Variants in ACACA observed in about 807,000 individuals in gnomAD.
ACACA encodes acetyl-CoA carboxylase alpha.
ACACA carries 103 observed loss-of-function variants against 296.1 expected under a neutral mutation model. That is an observed-to-expected ratio of 0.35 (90% CI 0.30 to 0.41). The LOEUF is 0.41. Among genes scored for constraint, ACACA ranks in the 10% least tolerant of loss-of-function variants. The pLI, the probability that ACACA is intolerant of heterozygous loss-of-function variation, is 1.00. For missense variants in ACACA, 1,554 were observed against 2,989.7 expected (o/e 0.52, Z 11.20); for synonymous variants, 953 against 1,038.6 (o/e 0.92, Z 1.58).
At chr17:37,102,295 C>G (rs568669402) in intron 52 of ACACA, among the ~76,000 whole-genome samples, 3 of 151,654 alleles carry the variant, frequency 2.0e-5, no homozygotes, top group South Asian at 4.2e-4. Context: ...ACCTCTGCCC[C>G]CTGAGTTCAA....
chr17:37,391,922 A>G, intron 1 of ACACA: 1 of 589,870 alleles, frequency 1.7e-6, no homozygotes, highest in East Asian at 2.8e-5. Flanking sequence ...ACCTTCTGTA[A>G]TTCACTTCAT....
At chr17:37,254,758 C>T (rs924442012) in intron 14 of ACACA, among the ~76,000 whole-genome samples, 1 of 151,438 alleles carries the variant, frequency 6.6e-6, no homozygotes, top group Non-Finnish European at 1.5e-5. Flanking sequence ...CCGAGTTGGG[C>T]AGATCACTCG....
chr17:37,248,748 G>A (rs2080839080), intron 16 of ACACA, 74 bp from the exon 17 acceptor site: 2 of 1,097,946 alleles, frequency 1.8e-6, no homozygotes, highest in Non-Finnish European at 2.8e-6. Flanking sequence ...ATTATTGATT[G>A]TAGCATTTCC....
chr17:37,275,147 G>A (rs1252856547), intron 8 of ACACA, among the ~76,000 whole-genome samples: 1 of 152,186 alleles, frequency 6.6e-6, no homozygotes, highest in Non-Finnish European at 1.5e-5. Context: ...GGCAACTGAG[G>A]TTGAATGGTT....
chr17:37,274,174 C>T lies in ACACA; in HGVS notation c.1008+19G>A. ...ACTGGTCAGCTGAAAGGTATCACTC[C>T]CTGGAGTTAGTAACCTACCTGTAGC... On this transcript the variant is annotated intron_variant, in intron 9 of 55. Transcript: ENST00000616317. 1 of 1,596,184 alleles carries T rather than the reference C, an allele frequency of 6.3e-7. No homozygotes were observed. Among genetic ancestry groups the T allele is most frequent in the Non-Finnish European group, 8.6e-7 (1 of 1,163,710 alleles).
At chr17:37,296,373 T>G (rs899363499) in intron 3 of ACACA, among the ~76,000 whole-genome samples, 2 of 143,618 alleles carry the variant, frequency 1.4e-5, no homozygotes, top group Admixed American at 1.4e-4. Context: ...TGGTGAGATC[T>G]CGGCTCACTG....
At chr17:37,399,433 A>G (rs920456059) in intron 1 of ACACA, among the ~76,000 whole-genome samples, 1 of 152,220 alleles carries the variant, frequency 6.6e-6, no homozygotes, top group Non-Finnish European at 1.5e-5. Flanking sequence ...ACAAGAGTAT[A>G]GACTGCCTGT....
intron 25 of ACACA, among the ~76,000 whole-genome samples, chr17:37,227,082 C>CT (rs1660888705): frequency 6.6e-6 from 1 of 152,074 alleles, no homozygotes; most frequent in African/African-American, 2.4e-5. Flanking sequence ...GAATCCTTAG[C>CT]TGAATTAGAG....
At chr17:37,390,423 T>C (rs1454815487) in intron 1 of ACACA, among the ~76,000 whole-genome samples, 3 of 135,692 alleles carry the variant, frequency 2.2e-5, no homozygotes, top group South Asian at 2.3e-4. Context: ...GGTCAAGAGA[T>C]TGAGACCATC....
chr17:37,298,713 G>A (rs2083471954), intron 3 of ACACA, among the ~76,000 whole-genome samples: 1 of 152,162 alleles, frequency 6.6e-6, no homozygotes, highest in Non-Finnish European at 1.5e-5. Context: ...ACCTGCAAGA[G>A]GCCTGAAGAA....
At position 37,252,041 on chromosome 17, in the gene ACACA, C is replaced by T. The variant is rs1248719659; in HGVS notation, c.2045G>A (p.Arg682Gln). The T allele has an allele frequency of 1.9e-6, 3 of 1,614,166 alleles. No individual in the cohort carries two copies. Among genetic ancestry groups the T allele is most frequent in the Non-Finnish European group, 2.5e-6 (3 of 1,180,046 alleles). ...GALHVADVSLRNSVSNFLHSL... is the reference protein window; with the variant it reads ...GALHVADVSLQNSVSNFLHSL... ...GTGAAGGAAGTTAGAGACGCTATTC[C>T]GCAGGCTCACATCTGCCACGTGGAG... The change falls in exon 16 of 56, where the codon CGG becomes CAG. Residue 682 changes from arginine (R) to glutamine (Q), a missense_variant. Transcript: ENST00000616317.
intron 39 of ACACA, among the ~76,000 whole-genome samples, chr17:37,183,908 A>G (rs2077426216): frequency 1.4e-5 from 2 of 138,356 alleles, no homozygotes; most frequent in African/African-American, 5.6e-5. Flanking sequence ...GCTGGAGTGC[A>G]ATGGTGCGAT....
rs2050651866 is a variant in ACACA at position 37,388,561 on chromosome 17, C to T, written c.38+17701G>A. The stretch of plus-strand genomic sequence containing the variant: ...ATTCTGCCTCTGCCTCTGGGTTAGT[C>T]TGGGCCTCTAATAGTCTTGTGAGCC... On this transcript the variant is annotated intron_variant, in intron 1 of 55. Transcript: ENST00000616317. The T allele has an allele frequency of 1.7e-5, 22 of 1,319,594 alleles. No homozygotes were observed. In the South Asian group the frequency reaches 2.8e-4, roughly 17 times the overall value. The allele number at this position is 1,319,594 out of a possible 1,614,324, so 81.7% of individuals were successfully genotyped here.
rs577148216 is a variant in ACACA, at chr17:37,330,438, T to C, written c.86-13A>G. 1 of 1,614,056 alleles carries C rather than the reference T, an allele frequency of 6.2e-7. No individual in the cohort carries two copies. Among genetic ancestry groups the C allele is most frequent in the African/African-American group, 1.3e-5 (1 of 75,040 alleles). ...TGAGCTCTTACAGCTATGGAGAAAA[T>C]GAAAAGTGAGAAAGGCAGGTTATGA... On this transcript the variant is annotated splice_polypyrimidine_tract_variant and intron_variant, in intron 2 of 55. Transcript: ENST00000616317.
In ACACA at chr17:37,406,246, A is replaced by T. The variant is rs181281681; in HGVS notation, c.38+16T>A. 2,640 of 1,613,408 alleles carry T rather than the reference A, an allele frequency of 1.6e-3. 33 individuals are homozygous for T. Among genetic ancestry groups the T allele is most frequent in the South Asian group, 0.014 (1,273 of 91,070 alleles). ...AATCATCATTAACAGCAGTAATAAG[A>T]GATCTTGGGACATACCTAGCCCTCA... On this transcript the variant is annotated intron_variant, in intron 1 of 55. Coordinates refer to ENST00000616317, the MANE Select transcript of ACACA (RefSeq NM_198834.3).
At chr17:37,376,129 T>A in intron 1 of ACACA, 1 of 1,612,920 alleles carries the variant, frequency 6.2e-7, no homozygotes, top group Non-Finnish European at 8.5e-7. Context: ...AATCATTGCA[T>A]CCTATGATGC....
At chr17:37,298,825 G>A (rs901862602) in intron 3 of ACACA, among the ~76,000 whole-genome samples, 2 of 152,190 alleles carry the variant, frequency 1.3e-5, no homozygotes, top group Non-Finnish European at 2.9e-5. Context: ...AACTCTGTCT[G>A]ACTACATACC....
At position 37,263,830 on chromosome 17, in the gene ACACA, A is replaced by G; in HGVS notation, c.1184T>C (p.Leu395Pro). 1 of 1,614,098 alleles carries G rather than the reference A, an allele frequency of 6.2e-7. No individual in the cohort carries two copies. Among genetic ancestry groups the G allele is most frequent in the Non-Finnish European group, 8.5e-7 (1 of 1,180,000 alleles). ...TTGGTCCGCTAAGATCTGCACCTCC[A>G]GATGACGAGATTGTTTGGCTAGTCT... ...VMRLAKQSRHLEVQILADQYG... is the reference protein window; with the variant it reads ...VMRLAKQSRHPEVQILADQYG... Residue 395 changes from leucine (L) to proline (P), a missense_variant, in exon 11 of 56, where the codon CTG (leucine) becomes CCG (proline). Physicochemically the swap from Leu to Pro is moderately conservative, Grantham distance 98. Transcript: ENST00000616317.
intron 42 of ACACA, among the ~76,000 whole-genome samples, chr17:37,156,124 C>T (rs558861727): frequency 2.3e-5 from 3 of 131,528 alleles, no homozygotes; most frequent in South Asian, 4.8e-4. Flanking sequence ...AGTGCAGTGG[C>T]GCGATCTCAG....
Sources: gnomAD v4.1 joint callset for allele counts (sites outside exome capture counted in the v4.1 genomes callset) on GRCh38, gnomAD v4.1.1 for gene constraint, MANE v1.5 for transcripts, NCBI Gene and HGNC (gene_info 2026-07-23, HGNC 2026-07-21) for gene names.